The following HBD variants were observed in gnomAD, a reference collection of about 807,000 sequenced individuals.
The protein encoded by HBD is hemoglobin subunit delta.
In HBD, 11 loss-of-function variants were observed where a neutral mutation model predicts 9.2. The ratio of observed to expected loss-of-function variants is 1.20; its 90% CI spans 0.76 to 1.99. The LOEUF (loss-of-function observed/expected upper bound fraction) is 1.99, where lower values mean the gene tolerates loss of function less well. Ranked by LOEUF, HBD falls within the 30% of genes most tolerant of loss-of-function variation. The pLI, the probability that HBD is intolerant of heterozygous loss-of-function variation, is 0.00. For missense variants in HBD, 189 were observed against 174.3 expected (o/e 1.08, Z -0.47); for synonymous variants, 83 against 69.4 (o/e 1.20, Z -0.98).
At position 5,234,387 on chromosome 11, in the gene HBD, C is replaced by A. The variant is rs757622703; in HGVS notation, c.47G>T (p.Trp16Leu). The A allele has an allele frequency of 1.9e-6, 3 of 1,613,948 alleles. No individual in the cohort carries two copies. The highest frequency in any genetic ancestry group is 1.7e-5 in the Admixed American group (1 of 60,016). Residue 16 changes from tryptophan (W) to leucine (L), a missense_variant, in exon 1 of 3, where the codon TGG (tryptophan) becomes TTG (leucine). Trp to Leu is a moderately conservative substitution (Grantham distance 61). Coordinates refer to ENST00000650601, the MANE Select transcript of HBD (RefSeq NM_000519.4). Reference sequence around the variant, plus strand: ...AACTGCATCCACGTTCACTTTGCCCCACAGGGCATTGACAGCAGTCTTCTC... The same window carrying A: ...AACTGCATCCACGTTCACTTTGCCCAACAGGGCATTGACAGCAGTCTTCTC... ...PEEKTAVNAL[W>L]GKVNVDAVGG... is the part of the protein sequence containing the mutation.
intron 2 of HBD, among the ~76,000 whole-genome samples, 173 bp downstream of exon 2, chr11:5,233,814 TTGTG>T (rs1847700302): frequency 6.6e-6 from 1 of 151,198 alleles, no homozygotes; most frequent in Non-Finnish European, 1.5e-5. Flanking sequence ...AATAGCAAGA[TTGTG>T]AGGAAGGAAA....
chr11:5,234,386 C>A lies in HBD; in HGVS notation c.48G>T (p.Trp16Cys). The part of the protein sequence containing the change: ...PEEKTAVNAL[W>C]GKVNVDAVGG... ...CAACTGCATCCACGTTCACTTTGCC[C>A]CACAGGGCATTGACAGCAGTCTTCT... The change falls in exon 1 of 3, where the codon TGG (tryptophan) becomes TGT (cysteine). Residue 16 changes from tryptophan to cysteine, a missense_variant. Physicochemically the swap from Trp to Cys is radical, Grantham distance 215 (BLOSUM62 -2). Transcript: ENST00000650601. 1.9e-6 allele frequency: 3 copies of A among 1,614,054 alleles called. No homozygotes were observed. The highest frequency in any genetic ancestry group is 2.5e-6 in the Non-Finnish European group (3 of 1,179,954).
rs761527836 is a variant in HBD, at chr11:5,234,320, C to T, written c.92+22G>A. On this transcript the variant is annotated intron_variant, in intron 1 of 2. Transcript: ENST00000650601. The stretch of plus-strand genomic sequence containing the variant: ...AGTTTCCATTTGCCTCCTTGAGCCT[C>T]TCTTATAACCTTGATACCAACCTGC... 3.1e-6 allele frequency: 5 copies of T among 1,610,144 alleles called. No homozygotes were observed. The South Asian group carries it at 5.5e-5, about 18-fold the overall frequency.
rs369519514 is a variant in HBD, at chr11:5,233,008, C to T, written c.400G>A (p.Val134Met). The change falls in exon 3 of 3, where the codon GTG becomes ATG. Residue 134 changes from valine (V) to methionine (M), a missense_variant. By Grantham distance (21) the Val-to-Met change is conservative. Coordinates refer to ENST00000650601, the MANE Select transcript of HBD (RefSeq NM_000519.4). ...TPQMQAAYQK[V>M]VAGVANALAH... ...AGGGCATTAGCCACACCAGCCACCACCTTCTGATAGGCAGCCTGCATTTGT... is the reference window on the plus strand; with the variant it reads ...AGGGCATTAGCCACACCAGCCACCATCTTCTGATAGGCAGCCTGCATTTGT... The T allele has an allele frequency of 5.6e-6, 9 of 1,613,966 alleles. No individual in the cohort carries two copies. Among genetic ancestry groups the T allele is most frequent in the Non-Finnish European group, 6.8e-6 (8 of 1,179,976 alleles).
chr11:5,233,200 A>G (rs564159164), intron 2 of HBD, 108 bp from the exon 3 acceptor site: 436 of 1,066,388 alleles, frequency 4.1e-4, no homozygotes, highest in Non-Finnish European at 5.6e-4. Context: ...AATCTTAGAC[A>G]AAACTGATCC....
At chr11:5,233,780 AAGAC>A (rs1397463848) in intron 2 of HBD, among the ~76,000 whole-genome samples, 2 of 152,080 alleles carry the variant, frequency 1.3e-5, no homozygotes, top group Non-Finnish European at 2.9e-5. Context: ...TTGGGAGAGA[AAGAC>A]AGGATATTAA....
chr11:5,233,195 T>A, intron 2 of HBD, 103 bp from the exon 3 acceptor site: 1 of 1,131,160 alleles, frequency 8.8e-7, no homozygotes, highest in Non-Finnish European at 1.3e-6. Context: ...GCCCAAATCT[T>A]AGACAAAACT....
chr11:5,233,858 C>A, intron 2 of HBD, 133 bp downstream of exon 2: 1 of 738,906 alleles, frequency 1.4e-6, no homozygotes, highest in South Asian at 1.8e-5. Flanking sequence ...AAAAAATTAA[C>A]AAAATTTTAG....
In HBD at chr11:5,234,393, G is replaced by A. The variant is rs35291639; in HGVS notation, c.41C>T (p.Ala14Val). The A allele has an allele frequency of 3.1e-6, 5 of 1,613,964 alleles. No individual in the cohort carries two copies. The highest frequency in any genetic ancestry group is 1.3e-5 in the African/African-American group (1 of 75,006). ...LTPEEKTAVN[A>V]LWGKVNVDAV... ...ATCCACGTTCACTTTGCCCCACAGG[G>A]CATTGACAGCAGTCTTCTCCTCAGG... The change falls in exon 1 of 3, where the codon GCC becomes GTC. Residue 14 changes from alanine (A) to valine (V), a missense_variant. Transcript: ENST00000650601.
In HBD at chr11:5,233,072, C is replaced by A; in HGVS notation, c.336G>T (p.Val112=). ...TGCCAAAGTTGCGGGCCAGCACACA[C>A]ACCAGCACATTGCCCAAGAGCTGCG... ...ENFRLLGNVL[V]CVLARNFGKE... is the part of the protein sequence containing the mutation. Residue 112 remains valine (V), a synonymous_variant, in exon 3 of 3, where the codon GTG becomes GTT. Coordinates refer to ENST00000650601, the MANE Select transcript of HBD (RefSeq NM_000519.4). The A allele has an allele frequency of 6.2e-7, 1 of 1,614,072 alleles. No homozygotes were observed. Among genetic ancestry groups the A allele is most frequent in the Non-Finnish European group, 8.5e-7 (1 of 1,179,964 alleles).
Position 5,234,406 on chromosome 11 carries a change from T to A in HBD, c.28A>T (p.Thr10Ser), listed in dbSNP as rs770750995. The A allele has an allele frequency of 6.2e-7, 1 of 1,613,794 alleles. No individual in the cohort carries two copies. The highest frequency in any genetic ancestry group is 2.2e-5 in the East Asian group (1 of 44,886). MVHLTPEEKTAVNALWGKVN... is the reference protein window; with the variant it reads MVHLTPEEKSAVNALWGKVN... ...TTGCCCCACAGGGCATTGACAGCAG[T>A]CTTCTCCTCAGGAGTCAGATGCACC... is the stretch of plus-strand genomic sequence containing the variant. The change falls in exon 1 of 3, where the codon ACT (threonine) becomes TCT (serine). Residue 10 changes from threonine to serine, a missense_variant. Physicochemically the swap from Thr to Ser is moderately conservative, Grantham distance 58. Coordinates refer to ENST00000650601, the MANE Select transcript of HBD (RefSeq NM_000519.4).
In HBD at chr11:5,234,165, C is replaced by A. The variant is rs780252589; in HGVS notation, c.141G>T (p.Gly47=). 1.2e-6 allele frequency: 2 copies of A among 1,613,894 alleles called. No individual in the cohort carries two copies. Among genetic ancestry groups the A allele is most frequent in the Non-Finnish European group, 1.7e-6 (2 of 1,179,970 alleles). Reference sequence around the variant, plus strand: ...TAACAGCATCAGGAGAGGACAGATCCCCAAAGGACTCAAAGAACCTCTGGG... The same window carrying A: ...TAACAGCATCAGGAGAGGACAGATCACCAAAGGACTCAAAGAACCTCTGGG... ...PWTQRFFESF[G]DLSSPDAVMG... Residue 47 remains glycine, a synonymous_variant, in exon 2 of 3, where the codon GGG becomes GGT. Transcript: ENST00000650601.
chr11:5,234,271 A>T, intron 1 of HBD, 58 bp from the exon 2 acceptor site: 9 of 1,597,552 alleles, frequency 5.6e-6, no homozygotes, highest in Non-Finnish European at 7.7e-6. Flanking sequence ...GAAACCCAAG[A>T]GTCTTCTCTG....
At chr11:5,233,311 T>A (rs1440967275) in intron 2 of HBD, among the ~76,000 whole-genome samples, 1 of 152,212 alleles carries the variant, frequency 6.6e-6, no homozygotes, top group African/African-American at 2.4e-5. Flanking sequence ...TAGCATGTAG[T>A]CTATATATGT....
chr11:5,234,318 C>G (rs1309217708), intron 1 of HBD, 24 bp downstream of exon 1: 1 of 1,609,020 alleles, frequency 6.2e-7, no homozygotes, highest in Admixed American at 1.7e-5. Context: ...CTCCTTGAGC[C>G]TCTCTTATAA....
chr11:5,233,872 C>A (rs1041718543), intron 2 of HBD, 119 bp downstream of exon 2: 13 of 795,256 alleles, frequency 1.6e-5, no homozygotes, highest in Non-Finnish European at 2.3e-5. Context: ...ATTTTAGAAG[C>A]ATTAAATGAT....
At position 5,232,923 on chromosome 11, in the gene HBD, A is replaced by AATAG. The variant is rs1564878512; in HGVS notation, c.*37_*40dup. The AATAG allele has an allele frequency of 6.2e-7, 1 of 1,613,772 alleles. No homozygotes were observed. Among genetic ancestry groups the AATAG allele is most frequent in the Non-Finnish European group, 8.5e-7 (1 of 1,179,690 alleles). On this transcript the variant is annotated 3_prime_UTR_variant, in exon 3 of 3. Transcript: ENST00000650601. The stretch of plus-strand genomic sequence containing the variant: ...AAGTTCAGAAAATAGAATCTAGGGA[A>AATAG]ATAGGGTCTTCTTATGGTTATCAGG...
Position 5,234,080 on chromosome 11 carries a change from G to A in HBD, c.226C>T (p.Leu76=). The change falls in exon 2 of 3, where the codon CTG becomes TTG. Residue 76 remains leucine (L), a synonymous_variant. Transcript: ENST00000650601. The part of the protein sequence containing the change: ...KKVLGAFSDG[L]AHLDNLKGTF... ...CCCTTGAGGTTGTCCAGGTGAGCCA[G>A]GCCATCACTAAAGGCACCTAGCACC... 1 of 1,614,058 alleles carries A rather than the reference G, an allele frequency of 6.2e-7. No individual in the cohort carries two copies. Among genetic ancestry groups the A allele is most frequent in the Non-Finnish European group, 8.5e-7 (1 of 1,180,000 alleles).
Position 5,232,873 on chromosome 11 carries a change from C to T in HBD, c.*91G>A, listed in dbSNP as rs886048394. 2.5e-6 allele frequency: 4 copies of T among 1,612,324 alleles called. No individual in the cohort carries two copies. The highest frequency in any genetic ancestry group is 2.5e-6 in the Non-Finnish European group (3 of 1,178,418). ...CATTCTTTATTAGGCAGAAGCCATA[C>T]CCTTGAAGTAGGCATTGTGTTCCCA... On this transcript the variant is annotated 3_prime_UTR_variant, in exon 3 of 3. Coordinates refer to ENST00000650601, the MANE Select transcript of HBD (RefSeq NM_000519.4).
Sources: allele counts gnomAD v4.1 joint callset (sites outside exome capture counted in the v4.1 genomes callset), GRCh38; gene constraint gnomAD v4.1.1; transcripts MANE v1.5; gene names NCBI Gene and HGNC (gene_info 2026-07-23, HGNC 2026-07-21).